MEI4: variants seen among roughly 807,000 people sequenced by gnomAD.
MEI4 encodes meiosis-specific protein MEI4.
In MEI4, 27 loss-of-function variants were observed where a neutral mutation model predicts 31.4. That is an observed-to-expected ratio of 0.86 (90% CI 0.63 to 1.19). The LOEUF is 1.19. Among genes scored for constraint, MEI4 ranks in the 50% most tolerant of loss-of-function variants. The pLI is 0.00. For missense variants in MEI4, 329 were observed against 398.9 expected (o/e 0.82, Z 1.49); for synonymous variants, 122 against 145.4 (o/e 0.84, Z 1.16).
At chr6:77,675,223 T>G (rs1768819432) in intron 1 of MEI4, among the ~76,000 whole-genome samples, 1 of 152,136 alleles carries the variant, frequency 6.6e-6, no homozygotes, top group African/African-American at 2.4e-5. Flanking sequence ...TTTTAATGGA[T>G]TATCTTTTCT....
At chr6:77,811,426 T>C (rs1769571433) in intron 3 of MEI4, among the ~76,000 whole-genome samples, 1 of 152,178 alleles carries the variant, frequency 6.6e-6, no homozygotes, top group Non-Finnish European at 1.5e-5. Flanking sequence ...TTATGAGAGT[T>C]CATATATAGA....
At chr6:77,875,938 C>T (rs1264772766) in intron 4 of MEI4, among the ~76,000 whole-genome samples, 1 of 152,018 alleles carries the variant, frequency 6.6e-6, no homozygotes, top group African/African-American at 2.4e-5. Context: ...TTAGGTGATT[C>T]AACTATTTCA....
intron 4 of MEI4, among the ~76,000 whole-genome samples, chr6:77,883,659 C>T (rs1771540205): frequency 7.6e-6 from 1 of 131,266 alleles, no homozygotes; most frequent in African/African-American, 2.9e-5. Flanking sequence ...TGGCACAATA[C>T]TATTGTGTGT....
intron 1 of MEI4, among the ~76,000 whole-genome samples, chr6:77,687,287 T>C (rs1033433935): frequency 2.0e-5 from 3 of 152,166 alleles, no homozygotes; most frequent in Non-Finnish European, 2.9e-5. Context: ...GTGGGAGATA[T>C]TAAATGTTCA....
At chr6:77,698,485 T>A (rs1766117482) in intron 2 of MEI4, among the ~76,000 whole-genome samples, 1 of 152,146 alleles carries the variant, frequency 6.6e-6, no homozygotes, top group Non-Finnish European at 1.5e-5. Flanking sequence ...TCTCTCAGCA[T>A]TTGCTTGTCT....
chr6:77,745,800 C>T (rs1473463942), intron 2 of MEI4, among the ~76,000 whole-genome samples: 1 of 152,170 alleles, frequency 6.6e-6, no homozygotes, highest in Non-Finnish European at 1.5e-5. Context: ...CAAACTAGAA[C>T]TCAGGCTTAA....
At chr6:77,817,918 C>G (rs1409461177) in intron 3 of MEI4, among the ~76,000 whole-genome samples, 1 of 152,140 alleles carries the variant, frequency 6.6e-6, no homozygotes, top group Non-Finnish European at 1.5e-5. Context: ...TAGGCAGTGT[C>G]TTACTTCTTT....
intron 4 of MEI4, among the ~76,000 whole-genome samples, chr6:77,890,178 C>T (rs1382943173): frequency 2.6e-5 from 4 of 152,194 alleles, no homozygotes; most frequent in African/African-American, 9.7e-5. Flanking sequence ...GCTCCACAGA[C>T]AGCTTGCACT....
At chr6:77,824,887 A>G (rs1003504897) in intron 3 of MEI4, among the ~76,000 whole-genome samples, 5 of 152,184 alleles carry the variant, frequency 3.3e-5, no homozygotes, top group East Asian at 1.9e-4. Flanking sequence ...GGCTATACAA[A>G]TAGGTATCAT....
intron 3 of MEI4, among the ~76,000 whole-genome samples, chr6:77,767,951 C>T (rs578196066): frequency 6.6e-6 from 1 of 152,266 alleles, no homozygotes; most frequent in East Asian, 1.9e-4. Context: ...GTATACTATA[C>T]ATTTAAATAC....
intron 4 of MEI4, among the ~76,000 whole-genome samples, chr6:77,893,775 G>C (rs1018394193): frequency 6.6e-6 from 1 of 152,046 alleles, no homozygotes. Context: ...GGGACCATTT[G>C]GCTTTTTCTG....
rs561393439 is a variant in MEI4 at position 77,683,568 on chromosome 6, CCCA to C, written c.-14-7087_-14-7085del. Reference sequence around the variant, plus strand: ...AACATCTCCCCTTTTCTCTCTGGCCCCCACCCTTGGAAACCACCATTCTATCTC... The same window carrying C: ...AACATCTCCCCTTTTCTCTCTGGCCCCCCTTGGAAACCACCATTCTATCTC... On this transcript the variant is annotated intron_variant, in intron 1 of 4. Coordinates refer to ENST00000684080, the MANE Select transcript of MEI4 (RefSeq NM_001322247.2). Among the ~76,000 whole-genome samples, 510 of 152,136 alleles carry C rather than the reference CCCA, an allele frequency of 3.4e-3. 2 individuals are homozygous for C. The highest frequency in any genetic ancestry group is 0.012 in the African/African-American group (499 of 41,512).
rs185288575 is a variant in MEI4 at position 77,716,171 on chromosome 6, G to A, written c.232+25268G>A. 5.3e-3 allele frequency among the ~76,000 whole-genome samples: 810 copies of A among 152,264 alleles called. 2 individuals carry two copies. Among genetic ancestry groups the A allele is most frequent in the Admixed American group, 0.01 (159 of 15,306 alleles). Reference sequence around the variant, plus strand: ...TACAGTCAAAGGCAGAAAACAGATGGTTAACGTATATTAACAGGTTTCATG... The same window carrying A: ...TACAGTCAAAGGCAGAAAACAGATGATTAACGTATATTAACAGGTTTCATG... On this transcript the variant is annotated intron_variant, in intron 2 of 4. Transcript: ENST00000684080.
chr6:77,716,635 GA>G (rs1377271180), intron 2 of MEI4, among the ~76,000 whole-genome samples: 21 of 152,270 alleles, frequency 1.4e-4, no homozygotes, highest in African/African-American at 4.8e-4. Flanking sequence ...TCGGGATGGT[GA>G]ACAATGGTGA....
chr6:77,790,400 A>G, intron 3 of MEI4, among the ~76,000 whole-genome samples: 1 of 152,094 alleles, frequency 6.6e-6, no homozygotes, highest in East Asian at 1.9e-4. Context: ...AAGTTTAATT[A>G]AAAGAAAATA....
chr6:77,762,397 A>G (rs998584602), intron 3 of MEI4, among the ~76,000 whole-genome samples: 10 of 152,082 alleles, frequency 6.6e-5, no homozygotes, highest in Non-Finnish European at 1.2e-4. Flanking sequence ...TTTCTTTTTC[A>G]TATTATTTCT....
At chr6:77,747,424 G>A (rs139568003) in intron 2 of MEI4, among the ~76,000 whole-genome samples, 5 of 152,256 alleles carry the variant, frequency 3.3e-5, no homozygotes, top group South Asian at 2.1e-4. Flanking sequence ...CTCAGGAAAC[G>A]CACAGTCATG....
intron 4 of MEI4, among the ~76,000 whole-genome samples, chr6:77,893,491 T>C (rs756961738): frequency 4.2e-4 from 64 of 152,202 alleles, no homozygotes; most frequent in Admixed American, 5.9e-4. Flanking sequence ...AACCGTCTTA[T>C]AGACATCTCA....
chr6:77,846,637 T>A (rs1161114962), intron 4 of MEI4, among the ~76,000 whole-genome samples: 1 of 152,234 alleles, frequency 6.6e-6, no homozygotes, highest in Non-Finnish European at 1.5e-5. Context: ...GGATTTTCCC[T>A]GTCCCTGGTC....
Sources: allele counts gnomAD v4.1 joint callset (sites outside exome capture counted in the v4.1 genomes callset), GRCh38; gene constraint gnomAD v4.1.1; transcripts MANE v1.5; gene names NCBI Gene and HGNC (gene_info 2026-07-23, HGNC 2026-07-21).